PLBD2: variants seen among roughly 807,000 people sequenced by gnomAD.
The protein encoded by PLBD2 is putative aminopeptidase PLBD2.
A neutral mutation model predicts 68.3 loss-of-function variants in PLBD2; 51 were observed. The observed-to-expected ratio is 0.75, with a 90% CI of 0.60 to 0.94. PLBD2 has a LOEUF of 0.94. PLBD2 is among the 40% of genes least tolerant of loss of function. The pLI is 0.00. For synonymous variants in PLBD2, 314 were observed against 339.3 expected (o/e 0.93, Z 0.82); for missense variants, 729 against 792.2 (o/e 0.92, Z 0.96).
intron 1 of PLBD2, among the ~76,000 whole-genome samples, chr12:113,364,777 T>C (rs1407371961): frequency 3.3e-5 from 5 of 152,162 alleles, no homozygotes; most frequent in African/African-American, 9.7e-5. Context: ...AGATTCTTGA[T>C]GAGACAAATA....
Position 113,384,381 on chromosome 12 carries a change from C to G in PLBD2, c.1118+116C>G. 7.6e-7 allele frequency: 1 copy of G among 1,318,244 alleles called. No homozygotes were observed. The highest frequency in any genetic ancestry group is 1.5e-5 in the South Asian group (1 of 68,624). The allele number at this position is 1,318,244 out of a possible 1,614,324, so 81.7% of individuals were successfully genotyped here. ...GCATCCGGGCCACACACCCCACGCCCTCCTTTGTTTCATACATGGGGAGAC... is the reference window on the plus strand; with the variant it reads ...GCATCCGGGCCACACACCCCACGCCGTCCTTTGTTTCATACATGGGGAGAC... On this transcript the variant is annotated intron_variant, in intron 7 of 11. Transcript: ENST00000280800. The surrounding 1 kb of genome is among the most constrained non-coding windows in gnomAD (Gnocchi z 4.2).
chr12:113,378,530 T>G (rs1374790560), intron 5 of PLBD2, among the ~76,000 whole-genome samples: 1 of 152,164 alleles, frequency 6.6e-6, no homozygotes, highest in African/African-American at 2.4e-5. Context: ...GTTTTGTTTT[T>G]CAAATTACTT....
intron 1 of PLBD2, among the ~76,000 whole-genome samples, chr12:113,359,955 C>T (rs575201409): frequency 2.5e-4 from 38 of 152,252 alleles, no homozygotes; most frequent in African/African-American, 8.7e-4. Context: ...GGAACCCTAG[C>T]ACTAGGATGT....
At chr12:113,358,948 G>A (rs1279758244) in intron 1 of PLBD2, 58 bp downstream of exon 1, 10 of 1,451,324 alleles carry the variant, frequency 6.9e-6, no homozygotes, top group Middle Eastern at 2.4e-4. Context: ...CGTGGGCGCC[G>A]GACCTCGCCT....
At chr12:113,361,294 A>G (rs573046112) in intron 1 of PLBD2, among the ~76,000 whole-genome samples, 100 of 148,504 alleles carry the variant, frequency 6.7e-4, no homozygotes, top group African/African-American at 2.5e-3. Flanking sequence ...TCCCTACACC[A>G]TAATCCTTCG....
intron 5 of PLBD2, among the ~76,000 whole-genome samples, chr12:113,378,978 G>A (rs866679463): frequency 9.2e-5 from 14 of 152,082 alleles, no homozygotes; most frequent in South Asian, 2.1e-4. Flanking sequence ...CCGGCCTACT[G>A]GTCCCTTTGT....
intron 5 of PLBD2, 80 bp from the exon 6 acceptor site, chr12:113,380,665 C>T: frequency 4.3e-6 from 5 of 1,173,084 alleles, no homozygotes; most frequent in East Asian, 2.6e-5. Flanking sequence ...GCCCCTGTGC[C>T]TGTGTCTTGT....
intron 1 of PLBD2, among the ~76,000 whole-genome samples, chr12:113,366,574 T>C (rs1318929650): frequency 6.7e-6 from 1 of 148,224 alleles, no homozygotes; most frequent in Non-Finnish European, 1.5e-5. Flanking sequence ...ACTCTTGGGC[T>C]CAAGTGATCT....
intron 11 of PLBD2, 113 bp from the exon 12 acceptor site, chr12:113,388,346 A>C: frequency 8.9e-7 from 1 of 1,129,044 alleles, no homozygotes; most frequent in East Asian, 2.8e-5. Context: ...CAAAAAAAAA[A>C]AAAGTGACAG....
chr12:113,382,865 G>GT (rs1957507974), intron 6 of PLBD2, among the ~76,000 whole-genome samples: 2 of 103,414 alleles, frequency 1.9e-5, no homozygotes, highest in African/African-American at 3.5e-5. Flanking sequence ...GTGTGTGTGT[G>GT]TGTTTTTTTT....
rs564880150 is a variant in PLBD2, at chr12:113,391,411, T to A, written c.*2785T>A. On this transcript the variant is annotated 3_prime_UTR_variant, in exon 12 of 12. Coordinates refer to ENST00000280800, the MANE Select transcript of PLBD2 (RefSeq NM_173542.4). ...CACTTGGGGCCTCATGCACTCAGCA[T>A]CTCTTTATTAGCAAACACTTATTGA... 16 of 152,338 alleles carry A rather than the reference T, an allele frequency of 1.1e-4. No homozygotes were observed. The highest frequency in any genetic ancestry group is 3.4e-4 in the African/African-American group (14 of 41,576). 9.4% of individuals were successfully genotyped at this position (152,338 alleles called of 1,614,324 possible).
In PLBD2 at chr12:113,380,649, G is replaced by A. The variant is rs1426075426; in HGVS notation, c.860-96G>A. 2.6e-5 allele frequency: 25 copies of A among 976,164 alleles called. No homozygotes were observed. The South Asian group carries it at 3.4e-4, about 13-fold the overall frequency. The allele number at this position is 976,164 out of a possible 1,614,324, so 60.5% of individuals were successfully genotyped here. A position where few individuals can be genotyped will look rare whatever the true frequency, so the allele number is the denominator to read the frequency against. The stretch of plus-strand genomic sequence containing the variant: ...ACAGTGGGGGCTTCCTCGGAGGCCT[G>A]CCTGTGCCCCTGTGCCTGTGTCTTG... On this transcript the variant is annotated intron_variant, in intron 5 of 11. Coordinates refer to ENST00000280800, the MANE Select transcript of PLBD2 (RefSeq NM_173542.4).
intron 10 of PLBD2, 75 bp from the exon 11 acceptor site, chr12:113,387,653 GCTGTTAACGGGGCTGC>G (rs1957564540): frequency 7.2e-7 from 1 of 1,388,200 alleles, no homozygotes; most frequent in Non-Finnish European, 1.0e-6. Context: ...AAGGCTGGCA[GCTGTTAACGGGGCTGC>G]CTGTGAGGAT....
chr12:113,387,618 G>A (rs1240502301), intron 10 of PLBD2, 126 bp from the exon 11 acceptor site: 9 of 1,028,410 alleles, frequency 8.8e-6, no homozygotes, highest in Non-Finnish European at 1.2e-5. Flanking sequence ...GGGGTAGTGT[G>A]CAGTGGGAGG....
rs562993728 is a variant in PLBD2 at position 113,377,607 on chromosome 12, G to A, written c.859+2600G>A. Among the ~76,000 whole-genome samples, 28 of 152,152 alleles carry A rather than the reference G, an allele frequency of 1.8e-4. No individual in the cohort carries two copies. In the South Asian group the frequency reaches 3.5e-3, roughly 19 times the overall value. Reference sequence around the variant, plus strand: ...CACCCAGCTAATTTTTGTATTTTCCGTAGAAATGGGGTTTCGCCATGTTGG... The same window carrying A: ...CACCCAGCTAATTTTTGTATTTTCCATAGAAATGGGGTTTCGCCATGTTGG... On this transcript the variant is annotated intron_variant, in intron 5 of 11. Transcript: ENST00000280800.
chr12:113,376,386 AC>A (rs1452104094), intron 5 of PLBD2, among the ~76,000 whole-genome samples: 1 of 133,138 alleles, frequency 7.5e-6, no homozygotes, highest in Non-Finnish European at 1.6e-5. Flanking sequence ...CTGGTCTTGA[AC>A]TCCTGACCTC....
chr12:113,359,559 T>A (rs2136895041), intron 1 of PLBD2: 1 of 152,358 alleles, frequency 6.6e-6, no homozygotes, highest in East Asian at 1.9e-4. Flanking sequence ...CTCACCATCT[T>A]TATTGCTGGA....
At chr12:113,365,933 C>T (rs754658164) in intron 1 of PLBD2, among the ~76,000 whole-genome samples, 5 of 152,168 alleles carry the variant, frequency 3.3e-5, no homozygotes, top group Non-Finnish European at 7.3e-5. Context: ...ACACTTTATT[C>T]GTTTTTCCAT....
chr12:113,391,188 G>C lies in PLBD2; in HGVS notation c.*2562G>C, dbSNP rs966226239. The C allele has an allele frequency of 3.9e-5, 6 of 152,130 alleles. No individual in the cohort carries two copies. The highest frequency in any genetic ancestry group is 3.3e-4 in the Admixed American group (5 of 15,264). 9.4% of individuals were successfully genotyped at this position (152,130 alleles called of 1,614,324 possible). A position where few individuals can be genotyped will look rare whatever the true frequency, so the allele number is the denominator to read the frequency against. On this transcript the variant is annotated 3_prime_UTR_variant, in exon 12 of 12. Transcript: ENST00000280800. ...CTCCCTGTCTGATCTCATGCAGCCT[G>C]CCTTGGAGACAAGACTCTCCCAGTG... is the stretch of plus-strand genomic sequence containing the variant.
Sources: allele counts gnomAD v4.1 joint callset (sites outside exome capture counted in the v4.1 genomes callset), GRCh38; gene constraint gnomAD v4.1.1; non-coding constraint Gnocchi (gnomAD v3.1); transcripts MANE v1.5; gene names NCBI Gene and HGNC (gene_info 2026-07-23, HGNC 2026-07-21).